The following SLC39A8 variants were observed in gnomAD, a reference collection of about 807,000 sequenced individuals.
SLC39A8 encodes solute carrier family 39 member 8, also known as metal cation symporter ZIP8.
SLC39A8 carries 15 observed loss-of-function variants against 40.4 expected under a neutral mutation model. The ratio of observed to expected loss-of-function variants is 0.37; its 90% CI spans 0.25 to 0.57. SLC39A8 has a LOEUF of 0.57. Among genes scored for constraint, SLC39A8 ranks in the 20% least tolerant of loss-of-function variants. SLC39A8 has a pLI of 0.75. For missense variants in SLC39A8, 472 were observed against 558.8 expected, an observed-to-expected ratio of 0.84 and a Z score of 1.57; for synonymous variants, 223 against 221.6, an observed-to-expected ratio of 1.01 and a Z score of -0.06.
chr4:102,343,456 G>T (rs1736026908), intron 2 of SLC39A8, among the ~76,000 whole-genome samples: 1 of 151,972 alleles, frequency 6.6e-6, no homozygotes, highest in South Asian at 2.1e-4. Context: ...AACTAACATC[G>T]TCCAAAAATG....
intron 8 of SLC39A8, among the ~76,000 whole-genome samples, chr4:102,264,629 T>C (rs535659786): frequency 1.3e-5 from 2 of 152,292 alleles, no homozygotes; most frequent in Non-Finnish European, 2.9e-5. Context: ...CTCTCTAGTA[T>C]GGAAAGTCCT....
intron 6 of SLC39A8, among the ~76,000 whole-genome samples, chr4:102,299,972 GA>G (rs1465677614): frequency 6.6e-6 from 1 of 152,056 alleles, no homozygotes; most frequent in African/African-American, 2.4e-5. Flanking sequence ...GGCTACACAG[GA>G]ACGTCGAAGA....
chr4:102,294,707 A>G (rs1027932197), intron 6 of SLC39A8, among the ~76,000 whole-genome samples: 1 of 152,018 alleles, frequency 6.6e-6, no homozygotes, highest in African/African-American at 2.4e-5. Context: ...ACTCTTCCTT[A>G]CTGTTTTAAC....
rs58301340 is a variant in SLC39A8, at chr4:102,318,814, C to T, written c.220-2984G>A. Among the ~76,000 whole-genome samples the T allele has an allele frequency of 9.8e-4, 150 of 152,326 alleles. 2 individuals are homozygous for T. The East Asian group carries it at 0.024, about 24-fold the overall frequency. On this transcript the variant is annotated intron_variant, in intron 2 of 8. Coordinates refer to ENST00000356736, the MANE Select transcript of SLC39A8 (RefSeq NM_001135146.2). Reference sequence around the variant, plus strand: ...ATCTGCCTTAATAAAACTCCATGTGCTTTCGCCAGCTCCTTCACATTTATG... The same window carrying T: ...ATCTGCCTTAATAAAACTCCATGTGTTTTCGCCAGCTCCTTCACATTTATG...
chr4:102,253,218 C>T (rs951838306), exon 12 of SLC39A8: 6 of 403,008 alleles, frequency 1.5e-5, no homozygotes, highest in African/African-American at 4.1e-5. Context: ...AGCAAAATGG[C>T]TGCTCCAGGT....
intron 11 of SLC39A8, among the ~76,000 whole-genome samples, chr4:102,256,563 T>C (rs1355615144): frequency 6.6e-6 from 1 of 152,230 alleles, no homozygotes; most frequent in Non-Finnish European, 1.5e-5. Context: ...TCTGTATGCA[T>C]AGTTAATCAT....
At chr4:102,342,515 C>T (rs957509145) in intron 2 of SLC39A8, among the ~76,000 whole-genome samples, 2 of 152,136 alleles carry the variant, frequency 1.3e-5, no homozygotes, top group Non-Finnish European at 2.9e-5. Context: ...AAAGCAAGAA[C>T]ATCAAAGAGA....
intron 2 of SLC39A8, among the ~76,000 whole-genome samples, chr4:102,328,343 T>TA (rs1349785282): frequency 6.6e-6 from 1 of 152,072 alleles, no homozygotes. Context: ...CTCTCTGTTT[T>TA]TTTTTTTTTA....
rs189884698 is a variant in SLC39A8 at position 102,263,496 on chromosome 4, G to A, written c.1234-303C>T. On this transcript the variant is annotated intron_variant, in intron 8 of 8. Transcript: ENST00000356736. ...AATGCTACCAATCATTCGAGCTTTG[G>A]GTGAGTTGTAATCTTTTTGCTGGTG... Among the ~76,000 whole-genome samples the A allele has an allele frequency of 3.1e-3, 468 of 152,252 alleles. 2 individuals carry two copies. The highest frequency in any genetic ancestry group is 0.012 in the South Asian group (58 of 4,816).
intron 2 of SLC39A8, among the ~76,000 whole-genome samples, chr4:102,320,284 G>GTATATATATGAGAATATATATATGAGTA (rs1360689530): frequency 8.4e-6 from 1 of 118,840 alleles, no homozygotes; most frequent in Non-Finnish European, 1.7e-5. Flanking sequence ...TTATATATGA[G>GTATATATATGAGAATATATATATGAGTA]TATATATATG....
chr4:102,304,374 A>C lies in SLC39A8; in HGVS notation c.783T>G (p.Ala261=). 6.2e-7 allele frequency: 1 copy of C among 1,611,770 alleles called. No homozygotes were observed. The highest frequency in any genetic ancestry group is 8.5e-7 in the Non-Finnish European group (1 of 1,178,430). ...GGATATGTCCATTAGCTTCTGTGACAGCAGGATTTGCATAGCATGTCACAC... is the reference window on the plus strand; with the variant it reads ...GGATATGTCCATTAGCTTCTGTGACCGCAGGATTTGCATAGCATGTCACAC... ...INGVTCYANP[A]VTEANGHIHF... The change falls in exon 6 of 9, where the codon GCT becomes GCG. Residue 261 remains alanine, a synonymous_variant. Transcript: ENST00000356736.
intron 8 of SLC39A8, among the ~76,000 whole-genome samples, chr4:102,265,184 T>C (rs1578554814): frequency 6.6e-6 from 1 of 152,142 alleles, no homozygotes; most frequent in African/African-American, 2.4e-5. Context: ...TGATTTAATA[T>C]GATAGATGTG....
At chr4:102,254,275 A>G (rs1485127347) in intron 11 of SLC39A8, among the ~76,000 whole-genome samples, 1 of 152,168 alleles carries the variant, frequency 6.6e-6, no homozygotes, top group Non-Finnish European at 1.5e-5. Context: ...ACATGCCATG[A>G]TACCCTTGAG....
At chr4:102,314,133 C>T (rs1233414824) in intron 3 of SLC39A8, among the ~76,000 whole-genome samples, 5 of 152,044 alleles carry the variant, frequency 3.3e-5, no homozygotes, top group South Asian at 2.1e-4. Context: ...ACGATCTCTC[C>T]GGTTTCTCTG....
intron 6 of SLC39A8, among the ~76,000 whole-genome samples, chr4:102,284,478 A>T (rs927075739): frequency 5.3e-5 from 8 of 152,204 alleles, no homozygotes; most frequent in Admixed American, 5.2e-4. Flanking sequence ...TTGGCAGGTG[A>T]TCACTGAATA....
intron 6 of SLC39A8, among the ~76,000 whole-genome samples, chr4:102,302,640 G>A (rs975462471): frequency 4.6e-5 from 7 of 152,024 alleles, no homozygotes; most frequent in Non-Finnish European, 1.0e-4. Flanking sequence ...CACAGGCTTC[G>A]GTATAAGGCA....
At chr4:102,310,507 A>G (rs2149037389) in intron 3 of SLC39A8, among the ~76,000 whole-genome samples, 1 of 152,194 alleles carries the variant, frequency 6.6e-6, no homozygotes, top group South Asian at 2.1e-4. Context: ...GTGCAGCAGA[A>G]CTCTGTCAAA....
At chr4:102,258,196 C>A (rs1731757656), downstream of SLC39A8, among the ~76,000 whole-genome samples, 1 of 151,806 alleles carries the variant, frequency 6.6e-6, no homozygotes, top group South Asian at 2.1e-4. Flanking sequence ...GCTCCGCCTC[C>A]CTGATTAACA....
chr4:102,282,144 C>T (rs1187430084), intron 6 of SLC39A8, among the ~76,000 whole-genome samples: 1 of 152,142 alleles, frequency 6.6e-6, no homozygotes, highest in Non-Finnish European at 1.5e-5. Context: ...ATTTGAGCCT[C>T]CATGCCAAAG....
Sources: gnomAD v4.1 joint callset for allele counts (sites outside exome capture counted in the v4.1 genomes callset) on GRCh38, gnomAD v4.1.1 for gene constraint, MANE v1.5 for transcripts, NCBI Gene and HGNC (gene_info 2026-07-23, HGNC 2026-07-21) for gene names.